HTR1F: variants seen among roughly 807,000 people sequenced by gnomAD.
HTR1F encodes 5-hydroxytryptamine receptor 1F, also known as 5-hydroxytryptamine (serotonin) receptor 1F, G protein-coupled.
Under a neutral mutation model 24.0 loss-of-function variants are expected in HTR1F, and 17 were observed. That is an observed-to-expected ratio of 0.71 (90% CI 0.48 to 1.06). The LOEUF (loss-of-function observed/expected upper bound fraction) is 1.06, where lower values mean the gene tolerates loss of function less well. Ranked by LOEUF, HTR1F falls within the 50% of genes least tolerant of loss-of-function variation. The pLI is 0.00. For synonymous variants in HTR1F, 186 were observed against 156.8 expected (o/e 1.19, Z -1.39); for missense variants, 391 against 427.8 (o/e 0.91, Z 0.76).
intron 2 of HTR1F, among the ~76,000 whole-genome samples, chr3:87,875,693 G>A (rs1705654562): frequency 6.6e-6 from 1 of 151,978 alleles, no homozygotes; most frequent in African/African-American, 2.4e-5. Flanking sequence ...GGGAGGCCGA[G>A]GCGGGCAGAT....
chr3:87,848,686 A>G (rs1415103712), intron 2 of HTR1F, among the ~76,000 whole-genome samples: 1 of 151,880 alleles, frequency 6.6e-6, no homozygotes, highest in Admixed American at 6.6e-5. Context: ...TGCAGATGAC[A>G]TGATTGTGTA....
chr3:87,798,983 G>T (rs1703950386), intron 1 of HTR1F, among the ~76,000 whole-genome samples: 2 of 152,028 alleles, frequency 1.3e-5, no homozygotes, highest in African/African-American at 4.8e-5. Context: ...TTTGGTCAAA[G>T]ATCCTTTTGA....
intron 1 of HTR1F, among the ~76,000 whole-genome samples, chr3:87,814,003 C>A (rs1396413834): frequency 2.6e-5 from 4 of 151,984 alleles, no homozygotes; most frequent in Non-Finnish European, 5.9e-5. Flanking sequence ...CACCAGAAAG[C>A]CATTGGGATA....
chr3:87,911,453 C>T (rs556651052), intron 2 of HTR1F, among the ~76,000 whole-genome samples: 24 of 152,086 alleles, frequency 1.6e-4, no homozygotes, highest in African/African-American at 5.5e-4. Context: ...TTAACAGGCT[C>T]CAAAACTGAA....
intron 1 of HTR1F, among the ~76,000 whole-genome samples, chr3:87,796,932 T>C (rs1703915440): frequency 6.6e-6 from 1 of 152,184 alleles, no homozygotes; most frequent in Non-Finnish European, 1.5e-5. Context: ...AGCAAACAAT[T>C]GAAAACAACA....
intron 1 of HTR1F, among the ~76,000 whole-genome samples, chr3:87,821,324 C>G (rs1704356395): frequency 6.6e-6 from 1 of 152,140 alleles, no homozygotes; most frequent in African/African-American, 2.4e-5. Flanking sequence ...GTACTCATAT[C>G]TACTCTATGA....
intron 2 of HTR1F, among the ~76,000 whole-genome samples, chr3:87,967,520 C>A (rs1705192574): frequency 6.6e-6 from 1 of 151,470 alleles, no homozygotes; most frequent in Non-Finnish European, 1.5e-5. Context: ...CCACCCAAAC[C>A]TCAAATTAGA....
chr3:87,846,856 T>C (rs2107193100), intron 2 of HTR1F, among the ~76,000 whole-genome samples: 1 of 152,102 alleles, frequency 6.6e-6, no homozygotes, highest in Admixed American at 6.5e-5. Flanking sequence ...TTGAATTTTA[T>C]AGTTTTATAG....
At chr3:87,824,509 A>AT (rs1326017805) in intron 2 of HTR1F, among the ~76,000 whole-genome samples, 7 of 152,258 alleles carry the variant, frequency 4.6e-5, no homozygotes, top group Non-Finnish European at 7.4e-5. Context: ...TTAGGAAAAC[A>AT]TTTTTTTCCG....
chr3:87,832,137 G>A (rs931934229), intron 2 of HTR1F, among the ~76,000 whole-genome samples: 1 of 152,000 alleles, frequency 6.6e-6, no homozygotes, highest in Non-Finnish European at 1.5e-5. Flanking sequence ...AAGAGAACTC[G>A]TATTGAGTAA....
intron 2 of HTR1F, among the ~76,000 whole-genome samples, chr3:87,950,318 G>C (rs1054923777): frequency 6.6e-6 from 1 of 152,120 alleles, no homozygotes. Context: ...AACAACTTTT[G>C]TATATATTCT....
intron 2 of HTR1F, among the ~76,000 whole-genome samples, chr3:87,984,690 G>A (rs1705625043): frequency 6.6e-6 from 1 of 151,968 alleles, no homozygotes; most frequent in Non-Finnish European, 1.5e-5. Context: ...GCAAACTCCT[G>A]ACTTCAGGCC....
intron 2 of HTR1F, among the ~76,000 whole-genome samples, chr3:87,903,327 A>C (rs1310396568): frequency 6.6e-6 from 1 of 150,690 alleles, no homozygotes; most frequent in Non-Finnish European, 1.5e-5. Context: ...CTACCATCAG[A>C]GTGAACAGGC....
In HTR1F at chr3:87,978,355, C is replaced by G. The variant is rs538938703; in HGVS notation, c.-42-12353C>G. The stretch of plus-strand genomic sequence containing the variant: ...CTGTGTTTCAGTCCTGTTTGTGTTA[C>G]AGCTCTTTCATTTGACAGGTCCTGA... On this transcript the variant is annotated intron_variant, in intron 2 of 2. Coordinates refer to ENST00000319595, the MANE Select transcript of HTR1F (RefSeq NM_001322209.2). 4.6e-5 allele frequency among the ~76,000 whole-genome samples: 7 copies of G among 152,280 alleles called. No homozygotes were observed. In the South Asian group the frequency reaches 1.2e-3, roughly 27 times the overall value.
At chr3:87,950,169 T>C (rs1181542449) in intron 2 of HTR1F, among the ~76,000 whole-genome samples, 2 of 152,184 alleles carry the variant, frequency 1.3e-5, no homozygotes, top group Admixed American at 6.5e-5. Flanking sequence ...ACTTCAAGAA[T>C]GGCACCAAGC....
chr3:87,959,547 A>C (rs1009221522), intron 2 of HTR1F, among the ~76,000 whole-genome samples: 1 of 151,986 alleles, frequency 6.6e-6, no homozygotes, highest in Non-Finnish European at 1.5e-5. Context: ...ATGGTTTGAA[A>C]AATACTGTAG....
chr3:87,848,721 C>A (rs1416735108), intron 2 of HTR1F, among the ~76,000 whole-genome samples: 1 of 151,550 alleles, frequency 6.6e-6, no homozygotes, highest in Non-Finnish European at 1.5e-5. Flanking sequence ...TCATCTCAGC[C>A]CAAAATCTCC....
intron 2 of HTR1F, among the ~76,000 whole-genome samples, chr3:87,892,768 T>A (rs541660594): frequency 2.8e-4 from 43 of 152,264 alleles, no homozygotes; most frequent in Admixed American, 6.5e-4. Context: ...GCTTTTTTTT[T>A]AATCTATACT....
rs187844486 is a variant in HTR1F, at chr3:87,938,524, C to T, written c.-42-52184C>T. Among the ~76,000 whole-genome samples, 4 of 152,258 alleles carry T rather than the reference C, an allele frequency of 2.6e-5. No homozygotes were observed. The East Asian group carries it at 5.8e-4, about 22-fold the overall frequency. Reference sequence around the variant, plus strand: ...GACCAAAGCAAGCAGCATCACCTTACCTGACTTCAAACTATACTACAAGGC... The same window carrying T: ...GACCAAAGCAAGCAGCATCACCTTATCTGACTTCAAACTATACTACAAGGC... On this transcript the variant is annotated intron_variant, in intron 2 of 2. Coordinates refer to ENST00000319595, the MANE Select transcript of HTR1F (RefSeq NM_001322209.2).
Sources: gnomAD v4.1 joint callset for allele counts (sites outside exome capture counted in the v4.1 genomes callset) on GRCh38, gnomAD v4.1.1 for gene constraint, MANE v1.5 for transcripts, NCBI Gene and HGNC (gene_info 2026-07-23, HGNC 2026-07-21) for gene names.